Variants in TOX3 observed in about 807,000 individuals in gnomAD.
TOX3 encodes TOX high mobility group box family member 3.
A neutral mutation model predicts 64.3 loss-of-function variants in TOX3; 22 were observed. The ratio of observed to expected loss-of-function variants is 0.34; its 90% CI spans 0.24 to 0.49. The LOEUF (loss-of-function observed/expected upper bound fraction) is 0.49. Ranked by LOEUF, TOX3 falls within the 20% of genes least tolerant of loss-of-function variation. The pLI, the probability that TOX3 is intolerant of heterozygous loss-of-function variation, is 0.99. For missense variants in TOX3, 661 were observed against 714.4 expected (o/e 0.93, Z 0.85); for synonymous variants, 291 against 273.6 (o/e 1.06, Z -0.63).
At chr16:52,502,496 A>G (rs1013546969) in intron 1 of TOX3, among the ~76,000 whole-genome samples, 2 of 152,252 alleles carry the variant, frequency 1.3e-5, no homozygotes, top group African/African-American at 4.8e-5. Flanking sequence ...CTAATTCAAT[A>G]GCAAAAAAGG....
At chr16:52,487,470 A>G (rs771727379) in intron 1 of TOX3, among the ~76,000 whole-genome samples, 41 of 152,326 alleles carry the variant, frequency 2.7e-4, no homozygotes, top group Middle Eastern at 6.8e-3. Flanking sequence ...GCTCTAAAGG[A>G]GGGTCAGTTC....
intron 1 of TOX3, among the ~76,000 whole-genome samples, chr16:52,527,677 C>T (rs952799104): frequency 2.0e-5 from 3 of 152,166 alleles, no homozygotes; most frequent in Non-Finnish European, 4.4e-5. Context: ...GAGTGCTGGC[C>T]TTCTTAGCTA....
intron 1 of TOX3, among the ~76,000 whole-genome samples, chr16:52,504,293 C>T (rs1014041019): frequency 3.4e-4 from 52 of 152,024 alleles, no homozygotes; most frequent in Admixed American, 2.0e-3. Flanking sequence ...GGTGAAACCC[C>T]GTCTCTACTA....
At chr16:52,493,437 G>A (rs1961753667) in intron 1 of TOX3, among the ~76,000 whole-genome samples, 1 of 152,094 alleles carries the variant, frequency 6.6e-6, no homozygotes, top group African/African-American at 2.4e-5. Flanking sequence ...GAATTCCCAG[G>A]AGAGGTTAAA....
At chr16:52,498,402 A>T (rs77748289) in intron 1 of TOX3, among the ~76,000 whole-genome samples, 1 of 152,346 alleles carries the variant, frequency 6.6e-6, no homozygotes, top group East Asian at 1.9e-4. Context: ...TGAGAACAAT[A>T]CTGCTCACTT....
intron 1 of TOX3, among the ~76,000 whole-genome samples, chr16:52,489,289 C>T (rs1035185591): frequency 6.6e-6 from 1 of 152,008 alleles, no homozygotes; most frequent in African/African-American, 2.4e-5. Context: ...TAATCTTGTA[C>T]CTCCCTCCCC....
At chr16:52,513,776 A>T (rs548723122) in intron 1 of TOX3, among the ~76,000 whole-genome samples, 219 of 152,366 alleles carry the variant, frequency 1.4e-3, no homozygotes, top group Non-Finnish European at 2.5e-3. Context: ...CTCATTAAAA[A>T]TAAAAATACC....
intron 3 of TOX3, among the ~76,000 whole-genome samples, chr16:52,452,379 T>C (rs1037414195): frequency 2.6e-5 from 4 of 152,148 alleles, no homozygotes; most frequent in African/African-American, 9.7e-5. Context: ...AGAACAATGG[T>C]TTCCAGTTTC....
chr16:52,481,112 G>A (rs1375318415), intron 1 of TOX3, among the ~76,000 whole-genome samples: 1 of 151,902 alleles, frequency 6.6e-6, no homozygotes, highest in Non-Finnish European at 1.5e-5. Context: ...TCGAGATGAG[G>A]TATTTTACAA....
At chr16:52,505,404 T>C (rs536281525) in intron 1 of TOX3, among the ~76,000 whole-genome samples, 6 of 152,364 alleles carry the variant, frequency 3.9e-5, no homozygotes, top group Admixed American at 1.3e-4. Context: ...TGTTTGCTTG[T>C]TTCTTTAGCT....
chr16:52,468,425 G>T, intron 2 of TOX3, 84 bp downstream of exon 2: 1 of 1,235,390 alleles, frequency 8.1e-7, no homozygotes, highest in South Asian at 1.3e-5. Context: ...AGATAAATTT[G>T]ATACTTTGTT....
chr16:52,469,520 G>A (rs936136063), intron 1 of TOX3, among the ~76,000 whole-genome samples: 13 of 152,104 alleles, frequency 8.5e-5, no homozygotes, highest in African/African-American at 3.1e-4. Flanking sequence ...TTTTTATAAA[G>A]TGTATTATTT....
chr16:52,477,019 G>T (rs534958085), intron 1 of TOX3, among the ~76,000 whole-genome samples: 1 of 152,240 alleles, frequency 6.6e-6, no homozygotes, highest in Admixed American at 6.5e-5. Context: ...GTACATGTTT[G>T]TTACATGGGT....
intron 1 of TOX3, among the ~76,000 whole-genome samples, chr16:52,524,914 C>T (rs975176757): frequency 6.6e-6 from 1 of 151,594 alleles, no homozygotes; most frequent in Non-Finnish European, 1.5e-5. Flanking sequence ...TGTTCTTCTT[C>T]TGTGATGGTA....
intron 2 of TOX3, among the ~76,000 whole-genome samples, chr16:52,466,742 T>G (rs1163256386): frequency 6.6e-6 from 1 of 152,116 alleles, no homozygotes; most frequent in Admixed American, 6.5e-5. Context: ...ATTAAGCATA[T>G]TACAATATCC....
At chr16:52,509,437 T>C (rs1962244012) in intron 1 of TOX3, among the ~76,000 whole-genome samples, 2 of 152,210 alleles carry the variant, frequency 1.3e-5, no homozygotes, top group African/African-American at 4.8e-5. Flanking sequence ...TATAGGCAAA[T>C]TAAAGTTTTC....
chr16:52,464,204 A>ATACAGGTAT lies in TOX3; in HGVS notation c.154-25_154-17dup. 2 of 1,487,602 alleles carry ATACAGGTAT rather than the reference A, an allele frequency of 1.3e-6. No individual in the cohort carries two copies. Among genetic ancestry groups the ATACAGGTAT allele is most frequent in the Non-Finnish European group, 1.8e-6 (2 of 1,116,268 alleles). The allele number at this position is 1,487,602 out of a possible 1,614,324, so 92.2% of individuals were successfully genotyped here. On this transcript the variant is annotated splice_polypyrimidine_tract_variant and intron_variant, in intron 2 of 6. Transcript: ENST00000219746. Reference sequence around the variant, plus strand: ...GGAATGTCTGCTAAAAGGAAACAAAATACAGGTATCTTCATATTCTGTTCC... The same window carrying ATACAGGTAT: ...GGAATGTCTGCTAAAAGGAAACAAAATACAGGTATTACAGGTATCTTCATATTCTGTTCC...
intron 1 of TOX3, among the ~76,000 whole-genome samples, chr16:52,536,344 A>C (rs1285052850): frequency 6.6e-6 from 1 of 151,916 alleles, no homozygotes. Flanking sequence ...TGAAGGTGAT[A>C]TCTGGGCTCA....
chr16:52,511,492 C>A (rs1456344979), intron 1 of TOX3, among the ~76,000 whole-genome samples: 1 of 152,036 alleles, frequency 6.6e-6, no homozygotes, highest in African/African-American at 2.4e-5. Context: ...GACTCCATCT[C>A]GGGGCAGGAG....
Sources: gnomAD v4.1 joint callset for allele counts (sites outside exome capture counted in the v4.1 genomes callset) on GRCh38, gnomAD v4.1.1 for gene constraint, MANE v1.5 for transcripts, NCBI Gene and HGNC (gene_info 2026-07-23, HGNC 2026-07-21) for gene names.